The following PHACTR3 variants were observed in gnomAD, a reference collection of about 807,000 sequenced individuals.
PHACTR3 encodes protein phosphatase 1, regulatory subunit 123.
A neutral mutation model predicts 66.8 loss-of-function variants in PHACTR3; 16 were observed. The observed-to-expected ratio is 0.24, with a 90% CI of 0.16 to 0.36. The LOEUF (loss-of-function observed/expected upper bound fraction) is 0.36. Among genes scored for constraint, PHACTR3 ranks in the 10% least tolerant of loss-of-function variants. The probability of loss-of-function intolerance (pLI) is 1.00; values close to 1 mark genes in which losing one functional copy is unlikely to be tolerated. For synonymous variants in PHACTR3, 323 were observed against 292.1 expected (o/e 1.11, Z -1.08); for missense variants, 647 against 719.9 (o/e 0.90, Z 1.16).
chr20:59,767,497 C>A, intron 5 of PHACTR3, 102 bp downstream of exon 5: 1 of 1,285,406 alleles, frequency 7.8e-7, no homozygotes, highest in Admixed American at 2.0e-5. Context: ...TATTTATTCA[C>A]CCATTCACTC....
chr20:59,676,022 C>T (rs1168142560), intron 1 of PHACTR3, among the ~76,000 whole-genome samples: 1 of 152,242 alleles, frequency 6.6e-6, no homozygotes, highest in Non-Finnish European at 1.5e-5. Flanking sequence ...GCATATCAGA[C>T]TCCTTCTTGC....
chr20:59,717,408 C>G (rs527811664), intron 1 of PHACTR3, among the ~76,000 whole-genome samples: 111 of 152,346 alleles, frequency 7.3e-4, no homozygotes, highest in Non-Finnish European at 1.2e-3. Context: ...GATACTGACA[C>G]GGATGAAATC....
At chr20:59,657,259 G>T (rs1347384131) in intron 1 of PHACTR3, among the ~76,000 whole-genome samples, 3 of 34,574 alleles carry the variant, frequency 8.7e-5, no homozygotes, top group Non-Finnish European at 1.5e-4. Context: ...GAAGTGTGTT[G>T]TGTGTGTGTG....
intron 1 of PHACTR3, among the ~76,000 whole-genome samples, chr20:59,621,418 C>T (rs1458616545): frequency 6.6e-6 from 1 of 152,238 alleles, no homozygotes; most frequent in Admixed American, 6.5e-5. Context: ...CCCATGTCAG[C>T]CTGGCACATC....
intron 1 of PHACTR3, among the ~76,000 whole-genome samples, chr20:59,631,966 A>G (rs6128649): frequency 0.74 from 113,096 of 152,052 alleles, 42,258 homozygotes; most frequent in East Asian, 0.9. Context: ...TTCCCAGGAG[A>G]GAGGTTGCCA....
At chr20:59,842,620 C>G (rs191466357) in intron 11 of PHACTR3, among the ~76,000 whole-genome samples, 112 of 152,258 alleles carry the variant, frequency 7.4e-4, no homozygotes, top group Non-Finnish European at 1.3e-3. Flanking sequence ...GTACATGATG[C>G]AAGTGGGCCT....
At chr20:59,775,462 T>C (rs895842808) in intron 7 of PHACTR3, among the ~76,000 whole-genome samples, 1 of 151,974 alleles carries the variant, frequency 6.6e-6, no homozygotes, top group African/African-American at 2.4e-5. Context: ...ATGCGGTGGG[T>C]ACTGTGATGG....
upstream of PHACTR3, among the ~76,000 whole-genome samples, chr20:59,600,026 T>C (rs1160046717): frequency 1.3e-5 from 2 of 152,238 alleles, no homozygotes; most frequent in African/African-American, 4.8e-5. Flanking sequence ...CATGAGATGT[T>C]GCATGGTCTG....
intron 1 of PHACTR3, among the ~76,000 whole-genome samples, chr20:59,674,464 T>TC (rs1568696844): frequency 1.4e-5 from 1 of 73,158 alleles, no homozygotes; most frequent in African/African-American, 8.2e-5. Flanking sequence ...TCCTGTCCTC[T>TC]CTTCTCCTGT....
At chr20:59,683,485 C>CTT (rs11478171) in intron 1 of PHACTR3, among the ~76,000 whole-genome samples, 265 of 140,846 alleles carry the variant, frequency 1.9e-3, no homozygotes, top group African/African-American at 4.9e-3. Flanking sequence ...TAAACCAGGT[C>CTT]TTTTTTTTTT....
At chr20:59,825,200 C>T (rs999096214) in intron 8 of PHACTR3, among the ~76,000 whole-genome samples, 11 of 152,232 alleles carry the variant, frequency 7.2e-5, no homozygotes, top group Non-Finnish European at 1.6e-4. Flanking sequence ...GGCACACATA[C>T]TGCCTTTTGT....
At chr20:59,716,706 C>T (rs17804957) in intron 1 of PHACTR3, among the ~76,000 whole-genome samples, 18,639 of 152,206 alleles carry the variant, frequency 0.12, 1,489 homozygotes, top group Non-Finnish European at 0.17. Context: ...ACACATTTAT[C>T]TGTATGATTA....
At chr20:59,729,782 AG>A (rs2038698520) in intron 1 of PHACTR3, among the ~76,000 whole-genome samples, 1 of 152,190 alleles carries the variant, frequency 6.6e-6, no homozygotes, top group Non-Finnish European at 1.5e-5. Flanking sequence ...GGCCCAGGCA[AG>A]GGGCCTGTGA....
At chr20:59,651,851 AGG>A (rs2035469542) in intron 1 of PHACTR3, among the ~76,000 whole-genome samples, 1 of 138,650 alleles carries the variant, frequency 7.2e-6, no homozygotes, top group Non-Finnish European at 1.5e-5. Flanking sequence ...GTAGGTAGGT[AGG>A]TAGGTAGGTA....
intron 1 of PHACTR3, among the ~76,000 whole-genome samples, chr20:59,632,431 A>G (rs1056800418): frequency 2.6e-5 from 4 of 152,156 alleles, no homozygotes; most frequent in Non-Finnish European, 5.9e-5. Flanking sequence ...GCGCTTGGAA[A>G]GAGTTGTTTT....
At chr20:59,644,091 G>C (rs981639483) in intron 1 of PHACTR3, among the ~76,000 whole-genome samples, 4 of 152,140 alleles carry the variant, frequency 2.6e-5, no homozygotes, top group Non-Finnish European at 4.4e-5. Flanking sequence ...AACTGCTAAA[G>C]GTTATGGATG....
chr20:59,615,777 G>C (rs1189973464), intron 1 of PHACTR3, among the ~76,000 whole-genome samples: 1 of 152,210 alleles, frequency 6.6e-6, no homozygotes, highest in Non-Finnish European at 1.5e-5. Context: ...CTTCACTTAT[G>C]CTGATTCTGT....
At chr20:59,751,042 C>T (rs867972859) in intron 3 of PHACTR3, among the ~76,000 whole-genome samples, 7 of 152,206 alleles carry the variant, frequency 4.6e-5, no homozygotes, top group African/African-American at 1.2e-4. Flanking sequence ...GAATTGTTGG[C>T]GGTGGCTGTG....
intron 7 of PHACTR3, among the ~76,000 whole-genome samples, chr20:59,788,892 A>T (rs918862272): frequency 3.9e-5 from 6 of 152,152 alleles, no homozygotes; most frequent in African/African-American, 1.4e-4. Context: ...ATGTGCCATG[A>T]TGTATGTGTC....
Sources: gnomAD v4.1 joint callset for allele counts (sites outside exome capture counted in the v4.1 genomes callset) on GRCh38, gnomAD v4.1.1 for gene constraint, MANE v1.5 for transcripts, NCBI Gene and HGNC (gene_info 2026-07-23, HGNC 2026-07-21) for gene names.